Variants in BARD1 observed in about 807,000 individuals in gnomAD.
BARD1 encodes BRCA1 associated RING domain 1.
BARD1 carries 73 observed loss-of-function variants against 77.0 expected under a neutral mutation model. The ratio of observed to expected loss-of-function variants is 0.95; its 90% CI spans 0.79 to 1.15. The LOEUF (loss-of-function observed/expected upper bound fraction) is 1.15. BARD1 is among the 50% of genes most tolerant of loss of function. The probability of loss-of-function intolerance (pLI) is 0.00; values close to 1 mark genes in which losing one functional copy is unlikely to be tolerated. For missense variants in BARD1, 993 were observed against 938.8 expected (o/e 1.06, Z -0.75); for synonymous variants, 384 against 338.0 (o/e 1.14, Z -1.49).
At chr2:214,798,623 A>G (rs1394487452) in intron 1 of BARD1, among the ~76,000 whole-genome samples, 1 of 152,088 alleles carries the variant, frequency 6.6e-6, no homozygotes, top group Non-Finnish European at 1.5e-5. Context: ...AGCCCAGGCC[A>G]GAGTTAACTA....
At chr2:214,804,457 C>T (rs1309202722) in intron 1 of BARD1, among the ~76,000 whole-genome samples, 2 of 152,128 alleles carry the variant, frequency 1.3e-5, no homozygotes, top group African/African-American at 4.8e-5. Flanking sequence ...TCAAAATATT[C>T]CATAAATAAA....
chr2:214,794,782 G>A (rs1695684647), intron 2 of BARD1, among the ~76,000 whole-genome samples: 2 of 152,104 alleles, frequency 1.3e-5, no homozygotes, highest in Non-Finnish European at 1.5e-5. Context: ...TCATTGCTGA[G>A]CAGTTTTAAC....
rs146038261 is a variant in BARD1, at chr2:214,763,389, C to A, written c.1568+4093G>T. Among the ~76,000 whole-genome samples the A allele has an allele frequency of 2.3e-4, 35 of 152,136 alleles. No homozygotes were observed. The East Asian group carries it at 5.8e-3, about 25-fold the overall frequency. On this transcript the variant is annotated intron_variant, in intron 6 of 10. Coordinates refer to ENST00000260947, the MANE Select transcript of BARD1 (RefSeq NM_000465.4). ...TCACTCCTACTAGAACAGAAGCAGG[C>A]AGACAACTGAGGGGATGATGAGGCA...
rs1029978001 is a variant in BARD1, at chr2:214,796,899, G to A, written c.215+162C>T. The stretch of plus-strand genomic sequence containing the variant: ...TTTGGTTTTCTTATTTGTAAATTAA[G>A]ACACAGTTTTAAAGATCAAACTAAG... On this transcript the variant is annotated intron_variant, in intron 2 of 10. Coordinates refer to ENST00000260947, the MANE Select transcript of BARD1 (RefSeq NM_000465.4). 6.2e-6 allele frequency: 4 copies of A among 643,922 alleles called. No individual in the cohort carries two copies. In the African/African-American group the frequency reaches 7.3e-5, roughly 12 times the overall value. The allele number at this position is 643,922 out of a possible 1,614,324, so 39.9% of individuals were successfully genotyped here.
At chr2:214,805,854 G>T (rs1276687203) in intron 1 of BARD1, among the ~76,000 whole-genome samples, 3 of 152,010 alleles carry the variant, frequency 2.0e-5, no homozygotes, top group Non-Finnish European at 4.4e-5. Flanking sequence ...CGTTACAATT[G>T]TCATAGATGT....
chr2:214,751,251 G>A (rs1431363032), intron 7 of BARD1, among the ~76,000 whole-genome samples: 2 of 138,532 alleles, frequency 1.4e-5, no homozygotes, highest in Non-Finnish European at 3.0e-5. Flanking sequence ...TTTACTTCCC[G>A]GGTTCAATCA....
chr2:214,772,910 T>C (rs1474534303), intron 4 of BARD1, among the ~76,000 whole-genome samples: 1 of 152,238 alleles, frequency 6.6e-6, no homozygotes, highest in Non-Finnish European at 1.5e-5. Flanking sequence ...GTACTCACTT[T>C]TGGGCTCCTC....
rs768259863 is a variant in BARD1 at position 214,730,518 on chromosome 2, A to G, written c.1904-10T>C. ...AGACATGCTTTTACCCCTGACAAAA[A>G]CACAAGAATTAAAGCAAACTAAGTA... On this transcript the variant is annotated splice_polypyrimidine_tract_variant and intron_variant, in intron 9 of 10. Transcript: ENST00000260947. 2 of 1,608,322 alleles carry G rather than the reference A, an allele frequency of 1.2e-6. No individual in the cohort carries two copies. The highest frequency in any genetic ancestry group is 2.7e-5 in the African/African-American group (2 of 74,772).
intron 1 of BARD1, among the ~76,000 whole-genome samples, chr2:214,797,732 T>C (rs1338288574): frequency 2.6e-5 from 4 of 152,166 alleles, no homozygotes; most frequent in African/African-American, 4.8e-5. Context: ...TTCACAGATA[T>C]ATTGTGAAAA....
In BARD1 at chr2:214,800,808, G is replaced by C. The variant is rs145238818; in HGVS notation, c.159-3691C>G. 4.2e-3 allele frequency among the ~76,000 whole-genome samples: 633 copies of C among 152,090 alleles called. 7 individuals carry two copies. The highest frequency in any genetic ancestry group is 0.014 in the African/African-American group (562 of 41,462). On this transcript the variant is annotated intron_variant, in intron 1 of 10. Transcript: ENST00000260947. ...CAGGATAGCATAAGACTTCTCAAGGGTAATAAGAGATGCTACAGAACTGTG... is the reference window on the plus strand; with the variant it reads ...CAGGATAGCATAAGACTTCTCAAGGCTAATAAGAGATGCTACAGAACTGTG...
In BARD1 at chr2:214,747,670, C is replaced by G. The variant is rs539719981; in HGVS notation, c.1678-1816G>C. On this transcript the variant is annotated intron_variant, in intron 7 of 10. Transcript: ENST00000260947. ...GAATTGAACAATGAGAACACATGGA[C>G]ACAGGAAGGGGAACATCACACTCTG... 9.0e-3 allele frequency among the ~76,000 whole-genome samples: 1,163 copies of G among 129,492 alleles called. 15 individuals carry two copies. Among genetic ancestry groups the G allele is most frequent in the African/African-American group, 0.033 (1,121 of 33,490 alleles). 85.0% of individuals were successfully genotyped at this position (129,492 alleles called of 152,430 possible). A position where few individuals can be genotyped will look rare whatever the true frequency, so the allele number is the denominator to read the frequency against.
Position 214,809,661 on chromosome 2 carries a change from C to A in BARD1, c.-92G>T. ...GAAGCTGCAGGCCAGCGACTCGAAA[C>A]CGGCCAAGCTCTTCCCGCGTCTGGG... is the stretch of plus-strand genomic sequence containing the variant. On this transcript the variant is annotated 5_prime_UTR_variant, in exon 1 of 11. Transcript: ENST00000260947. 2 of 1,477,080 alleles carry A rather than the reference C, an allele frequency of 1.4e-6. No individual in the cohort carries two copies. Among genetic ancestry groups the A allele is most frequent in the Non-Finnish European group, 1.8e-6 (2 of 1,098,222 alleles). 91.5% of individuals were successfully genotyped at this position (1,477,080 alleles called of 1,614,324 possible). A position where few individuals can be genotyped will look rare whatever the true frequency, so the allele number is the denominator to read the frequency against.
intron 1 of BARD1, among the ~76,000 whole-genome samples, chr2:214,799,371 C>A (rs1457112650): frequency 2.0e-5 from 3 of 152,104 alleles, no homozygotes; most frequent in East Asian, 3.9e-4. Flanking sequence ...TGTATCTCTA[C>A]CAAAGTAATG....
chr2:214,753,249 T>A (rs1258356455), intron 6 of BARD1, among the ~76,000 whole-genome samples: 2 of 152,154 alleles, frequency 1.3e-5, no homozygotes, highest in East Asian at 3.9e-4. Flanking sequence ...TAAGGTCATA[T>A]TCTCCTTGTT....
rs1164972478 is a variant in BARD1, at chr2:214,725,738, T to A, written c.*2938A>T. ...AGAAATACATGAAGTTTACAATCTG[T>A]AGCTCAATCTATCAAAGAAAATGGT... On this transcript the variant is annotated 3_prime_UTR_variant, in exon 11 of 11. Transcript: ENST00000260947. 1 of 225,418 alleles carries A rather than the reference T, an allele frequency of 4.4e-6. No individual in the cohort carries two copies. Among genetic ancestry groups the A allele is most frequent in the Non-Finnish European group, 8.8e-6 (1 of 113,216 alleles). 14.0% of individuals were successfully genotyped at this position (225,418 alleles called of 1,614,324 possible).
chr2:214,735,418 C>G (rs1302972861), intron 9 of BARD1, among the ~76,000 whole-genome samples: 6 of 152,170 alleles, frequency 3.9e-5, no homozygotes, highest in African/African-American at 1.4e-4. Flanking sequence ...AAGTTCTTCA[C>G]TACTCTGTAC....
chr2:214,763,958 T>C (rs572140297), intron 6 of BARD1, among the ~76,000 whole-genome samples: 1 of 152,326 alleles, frequency 6.6e-6, no homozygotes, highest in South Asian at 2.1e-4. Context: ...TGAGACAGCA[T>C]GCACTTAAAA....
At chr2:214,734,134 A>G (rs1574714479) in intron 9 of BARD1, among the ~76,000 whole-genome samples, 1 of 152,138 alleles carries the variant, frequency 6.6e-6, no homozygotes, top group South Asian at 2.1e-4. Context: ...TTGAATGCAA[A>G]GTTGTTTCTG....
At chr2:214,779,818 T>C (rs1694896634) in intron 4 of BARD1, among the ~76,000 whole-genome samples, 1 of 152,202 alleles carries the variant, frequency 6.6e-6, no homozygotes, top group Non-Finnish European at 1.5e-5. Flanking sequence ...GTCTACCATA[T>C]CATACTTTCC....
Sources: allele counts gnomAD v4.1 joint callset (sites outside exome capture counted in the v4.1 genomes callset), GRCh38; gene constraint gnomAD v4.1.1; transcripts MANE v1.5; gene names NCBI Gene and HGNC (gene_info 2026-07-23, HGNC 2026-07-21).